The following CREB5 variants were observed in gnomAD, a reference collection of about 807,000 sequenced individuals.
The protein encoded by CREB5 is cAMP responsive element binding protein 5.
A neutral mutation model predicts 57.1 loss-of-function variants in CREB5; 19 were observed. The observed-to-expected ratio is 0.33, with a 90% confidence interval of 0.23 to 0.49. The LOEUF is 0.49. Ranked by LOEUF, CREB5 falls within the 20% of genes least tolerant of loss-of-function variation. CREB5 has a pLI of 0.99. For synonymous variants in CREB5, 238 were observed against 238.3 expected (o/e 1.00, Z 0.01); for missense variants, 579 against 671.6 (o/e 0.86, Z 1.52).
intron 5 of CREB5, among the ~76,000 whole-genome samples, chr7:28,657,874 A>G (rs747911879): frequency 1.3e-5 from 2 of 152,216 alleles, no homozygotes; most frequent in African/African-American, 2.4e-5. Flanking sequence ...AAACTAATTC[A>G]TAGAAATATT....
intron 5 of CREB5, among the ~76,000 whole-genome samples, chr7:28,696,082 A>G (rs1048791626): frequency 2.6e-5 from 4 of 152,314 alleles, no homozygotes; most frequent in East Asian, 1.9e-4. Context: ...GCATTTTCAC[A>G]AGATTCTTCA....
At chr7:28,705,474 G>T (rs1802064332) in intron 5 of CREB5, among the ~76,000 whole-genome samples, 1 of 152,046 alleles carries the variant, frequency 6.6e-6, no homozygotes, top group African/African-American at 2.4e-5. Flanking sequence ...ATAATGTTTT[G>T]CATGTTCTTT....
intron 5 of CREB5, among the ~76,000 whole-genome samples, chr7:28,698,056 A>G (rs950841311): frequency 6.6e-6 from 1 of 152,196 alleles, no homozygotes; most frequent in African/African-American, 2.4e-5. Flanking sequence ...TTAAGTGTAA[A>G]TGAATCAGAA....
intron 1 of CREB5, among the ~76,000 whole-genome samples, chr7:28,355,054 G>A (rs932943006): frequency 4.6e-5 from 7 of 152,170 alleles, no homozygotes; most frequent in African/African-American, 9.7e-5. Context: ...TATGTCTTCC[G>A]TTGCAGCAGA....
At chr7:28,786,978 G>T (rs1453359805) in intron 7 of CREB5, among the ~76,000 whole-genome samples, 2 of 152,212 alleles carry the variant, frequency 1.3e-5, no homozygotes, top group African/African-American at 4.8e-5. Context: ...AACCATGTTA[G>T]GAAGCCAGCA....
chr7:28,555,125 G>GTGTGTGTGTGTGTGTA (rs1794813033), intron 4 of CREB5, among the ~76,000 whole-genome samples: 1 of 152,018 alleles, frequency 6.6e-6, no homozygotes, highest in African/African-American at 2.4e-5. Flanking sequence ...GTGTGTGTGT[G>GTGTGTGTGTGTGTGTA]TAAATAAAAA....
chr7:28,445,773 G>C (rs1309695604), intron 1 of CREB5, among the ~76,000 whole-genome samples: 3 of 151,554 alleles, frequency 2.0e-5, no homozygotes, highest in South Asian at 4.2e-4. Context: ...GGATGATCTC[G>C]ATCTTCTGAC....
intron 8 of CREB5, among the ~76,000 whole-genome samples, chr7:28,806,781 G>A (rs1808753799): frequency 6.6e-6 from 1 of 152,182 alleles, no homozygotes; most frequent in African/African-American, 2.4e-5. Flanking sequence ...AGTATCATGG[G>A]TTACAGGTTG....
chr7:28,651,053 A>T (rs528750345), intron 5 of CREB5, among the ~76,000 whole-genome samples: 1 of 152,288 alleles, frequency 6.6e-6, no homozygotes, highest in East Asian at 1.9e-4. Context: ...GAATATAAAG[A>T]CAGTTCATTG....
chr7:28,674,268 C>G (rs1401380644), intron 5 of CREB5, among the ~76,000 whole-genome samples: 1 of 152,192 alleles, frequency 6.6e-6, no homozygotes, highest in Non-Finnish European at 1.5e-5. Flanking sequence ...TTCTCCCACT[C>G]AGCTGAGAGT....
Position 28,480,655 on chromosome 7 carries a change from A to G in CREB5, c.4-7520A>G, listed in dbSNP as rs535123415. ...TTCAATATTTCCTTCAAAACCTAAG[A>G]ATCTCTACACTTGTATTTTGTTAAC... On this transcript the variant is annotated intron_variant, in intron 1 of 10. Transcript: ENST00000357727. 1.9e-3 allele frequency among the ~76,000 whole-genome samples: 296 copies of G among 152,314 alleles called. 1 individual carries two copies. Among genetic ancestry groups the G allele is most frequent in the Non-Finnish European group, 3.2e-3 (216 of 68,032 alleles).
chr7:28,804,950 T>G (rs1207638009), intron 8 of CREB5, among the ~76,000 whole-genome samples: 1 of 152,210 alleles, frequency 6.6e-6, no homozygotes, highest in Non-Finnish European at 1.5e-5. Context: ...GACTCAATTT[T>G]GTCACCTGTA....
chr7:28,441,394 T>G (rs1420262123), intron 1 of CREB5, among the ~76,000 whole-genome samples: 1 of 152,198 alleles, frequency 6.6e-6, no homozygotes, highest in Non-Finnish European at 1.5e-5. Context: ...AAATATAAAA[T>G]GTCTGCCATT....
At chr7:28,495,534 C>A (rs552938106) in intron 3 of CREB5, among the ~76,000 whole-genome samples, 2 of 90,866 alleles carry the variant, frequency 2.2e-5, no homozygotes, top group South Asian at 4.5e-4. Flanking sequence ...AGCAAAACTC[C>A]GTCTCAAAAA....
chr7:28,758,600 C>T lies in CREB5; in HGVS notation c.702+34268C>T, dbSNP rs1057231043. Among the ~76,000 whole-genome samples the T allele has an allele frequency of 3.3e-5, 5 of 152,146 alleles. No homozygotes were observed. The East Asian group carries it at 5.8e-4, about 18-fold the overall frequency. On this transcript the variant is annotated intron_variant, in intron 7 of 10. Transcript: ENST00000357727. ...CCAGTCAGTAGGTCACTGAGTCCTGCCCCTGTGAAATCCCCCAGCCACTTA... is the reference window on the plus strand; with the variant it reads ...CCAGTCAGTAGGTCACTGAGTCCTGTCCCTGTGAAATCCCCCAGCCACTTA...
intron 5 of CREB5, among the ~76,000 whole-genome samples, chr7:28,692,760 C>G (rs1160477624): frequency 6.6e-6 from 1 of 152,082 alleles, no homozygotes; most frequent in Non-Finnish European, 1.5e-5. Context: ...GAGAGCAACT[C>G]CATCTCAAAA....
chr7:28,428,915 G>C (rs759199289), intron 1 of CREB5, among the ~76,000 whole-genome samples: 3 of 152,120 alleles, frequency 2.0e-5, no homozygotes, highest in Non-Finnish European at 4.4e-5. Flanking sequence ...TGCCCCTTCT[G>C]CCTAGACCAT....
chr7:28,658,158 T>C (rs1301641626), intron 5 of CREB5, among the ~76,000 whole-genome samples: 1 of 152,226 alleles, frequency 6.6e-6, no homozygotes, highest in East Asian at 1.9e-4. Context: ...TCAGGGATAA[T>C]TATGGCTCTA....
At chr7:28,753,338 T>C (rs1805091314) in intron 7 of CREB5, among the ~76,000 whole-genome samples, 1 of 152,098 alleles carries the variant, frequency 6.6e-6, no homozygotes, top group Non-Finnish European at 1.5e-5. Flanking sequence ...GAAGTAATAT[T>C]GTCTATACAG....
Sources: allele counts gnomAD v4.1 joint callset (sites outside exome capture counted in the v4.1 genomes callset), GRCh38; gene constraint gnomAD v4.1.1; transcripts MANE v1.5; gene names NCBI Gene and HGNC (gene_info 2026-07-23, HGNC 2026-07-21).